Variants in FMN1 observed in about 807,000 individuals in gnomAD.
FMN1 encodes the protein formin 1, also known as formin-1.
Under a neutral mutation model 132.4 loss-of-function variants are expected in FMN1, and 110 were observed. The observed-to-expected ratio is 0.83, with a 90% CI of 0.71 to 0.97. The LOEUF (loss-of-function observed/expected upper bound fraction) is 0.97, where lower values mean the gene tolerates loss of function less well. Among genes scored for constraint, FMN1 ranks in the 50% least tolerant of loss-of-function variants. FMN1 has a pLI of 0.00. For missense variants in FMN1, 1,792 were observed against 1,705.3 expected, an observed-to-expected ratio of 1.05 and a Z score of -0.90; for synonymous variants, 722 against 651.7, an observed-to-expected ratio of 1.11 and a Z score of -1.64.
chr15:32,805,597 C>T (rs2057652442), intron 17 of FMN1, among the ~76,000 whole-genome samples: 1 of 152,060 alleles, frequency 6.6e-6, no homozygotes, highest in African/African-American at 2.4e-5. Flanking sequence ...TAATAGTGGC[C>T]AAATAATTTA....
intron 9 of FMN1, among the ~76,000 whole-genome samples, chr15:32,949,063 C>T (rs2061568433): frequency 6.8e-6 from 1 of 147,826 alleles, no homozygotes; most frequent in Non-Finnish European, 1.5e-5. Context: ...ATTTCAGCTA[C>T]ATCCTATGAG....
At chr15:32,874,487 T>C (rs1158268516) in intron 16 of FMN1, among the ~76,000 whole-genome samples, 1 of 152,198 alleles carries the variant, frequency 6.6e-6, no homozygotes, top group East Asian at 1.9e-4. Context: ...GTTGATTCTC[T>C]TCAGGATCAC....
At chr15:32,892,847 A>G (rs1185002830) in intron 15 of FMN1, among the ~76,000 whole-genome samples, 1 of 152,094 alleles carries the variant, frequency 6.6e-6, no homozygotes, top group Non-Finnish European at 1.5e-5. Flanking sequence ...TTTATGTATC[A>G]CCATTAATTT....
chr15:33,090,785 A>T (rs2038875884), intron 4 of FMN1, among the ~76,000 whole-genome samples: 1 of 152,146 alleles, frequency 6.6e-6, no homozygotes, highest in Non-Finnish European at 1.5e-5. Flanking sequence ...AACCTCAGGG[A>T]GAAGGCACTC....
intron 9 of FMN1, among the ~76,000 whole-genome samples, chr15:32,940,114 G>A (rs918623751): frequency 4.6e-5 from 7 of 152,064 alleles, no homozygotes; most frequent in African/African-American, 1.4e-4. Flanking sequence ...TACAAAAACT[G>A]AGAACTATAG....
At chr15:33,180,412 C>CT (rs1965656532) in intron 2 of FMN1, 150 bp from the exon 3 acceptor site, 1 of 152,152 alleles carries the variant, frequency 6.6e-6, no homozygotes, top group Admixed American at 6.5e-5. Context: ...CCTTTAAGGT[C>CT]TTCTGGAGTA....
intron 4 of FMN1, among the ~76,000 whole-genome samples, chr15:33,114,271 G>A (rs1375572753): frequency 1.3e-5 from 2 of 152,228 alleles, no homozygotes; most frequent in Admixed American, 1.3e-4. Context: ...GTCCAAGGAC[G>A]AGGAATGAAG....
intron 16 of FMN1, among the ~76,000 whole-genome samples, chr15:32,869,130 A>G (rs1253684437): frequency 6.6e-6 from 1 of 152,178 alleles, no homozygotes; most frequent in Non-Finnish European, 1.5e-5. Context: ...CATGATGAGA[A>G]CGCACGGGCC....
intron 7 of FMN1, among the ~76,000 whole-genome samples, chr15:33,001,652 A>G (rs1161620163): frequency 3.2e-5 from 4 of 125,018 alleles, no homozygotes; most frequent in South Asian, 5.9e-4. Flanking sequence ...GGTTGAGGAC[A>G]TATTTGGGAC....
intron 9 of FMN1, among the ~76,000 whole-genome samples, chr15:32,952,652 G>A (rs1596334302): frequency 2.6e-5 from 4 of 152,100 alleles, no homozygotes; most frequent in East Asian, 1.9e-4. Flanking sequence ...ATAATTAGGC[G>A]GCCATGAATT....
rs1595570571 is a variant in FMN1, at chr15:33,151,450, A to G, written c.1867+1598T>C. Reference sequence around the variant, plus strand: ...CAAAGGAACATGTGATCATCCATTCACCTTGTCACTCAGTGGGCTCACGGT... The same window carrying G: ...CAAAGGAACATGTGATCATCCATTCGCCTTGTCACTCAGTGGGCTCACGGT... On this transcript the variant is annotated intron_variant, in intron 4 of 20. Coordinates refer to ENST00000616417, the MANE Select transcript of FMN1 (RefSeq NM_001277313.2). The G allele has an allele frequency of 2.0e-6, 3 of 1,481,924 alleles. No homozygotes were observed. The Admixed American group carries it at 5.9e-5, about 29-fold the overall frequency. 91.8% of individuals were successfully genotyped at this position (1,481,924 alleles called of 1,614,324 possible).
chr15:32,798,931 A>T lies in FMN1; in HGVS notation c.4003T>A (p.Phe1335Ile). 6.2e-7 allele frequency: 1 copy of T among 1,613,638 alleles called. No homozygotes were observed. The highest frequency in any genetic ancestry group is 1.1e-5 in the South Asian group (1 of 90,932). The change falls in exon 19 of 21, where the codon TTT (phenylalanine) becomes ATT (isoleucine). Residue 1335 changes from phenylalanine (F) to isoleucine (I), a missense_variant. By Grantham distance (21) the Phe-to-Ile change is conservative. Transcript: ENST00000616417. ...QKSFETTVRY[F>I]GMKPKSGEKE... The stretch of plus-strand genomic sequence containing the variant: ...TCACCAGACTTTGGCTTCATCCCAA[A>T]ATATCGTACTGTTGTTTCAAAACTG...
intron 19 of FMN1, among the ~76,000 whole-genome samples, chr15:32,794,930 T>G (rs1270429805): frequency 6.6e-6 from 1 of 152,190 alleles, no homozygotes; most frequent in Non-Finnish European, 1.5e-5. Context: ...GCGTGGTGGC[T>G]CATGCCTGTA....
At chr15:32,978,714 T>C (rs577724347) in intron 7 of FMN1, among the ~76,000 whole-genome samples, 2 of 152,266 alleles carry the variant, frequency 1.3e-5, no homozygotes, top group South Asian at 2.1e-4. Context: ...TCCAATTAAT[T>C]AATCATTTTA....
rs147132198 is a variant in FMN1, at chr15:33,071,420, G to A, written c.2044-6346C>T. On this transcript the variant is annotated intron_variant, in intron 5 of 20. Transcript: ENST00000616417. The stretch of plus-strand genomic sequence containing the variant: ...TATGAAGCATGACTTCTATTAAGAA[G>A]ACTTCTTCATCCAATGTCATAAATG... 4.6e-5 allele frequency among the ~76,000 whole-genome samples: 7 copies of A among 152,262 alleles called. No homozygotes were observed. In the East Asian group the frequency reaches 1.4e-3, roughly 29 times the overall value.
At chr15:32,898,570 T>C (rs1242572959) in intron 15 of FMN1, among the ~76,000 whole-genome samples, 2 of 152,158 alleles carry the variant, frequency 1.3e-5, no homozygotes, top group Non-Finnish European at 2.9e-5. Flanking sequence ...AATCTGGCCA[T>C]AAAGCACTGA....
At chr15:33,026,017 A>G (rs191847868) in intron 6 of FMN1, among the ~76,000 whole-genome samples, 1 of 152,226 alleles carries the variant, frequency 6.6e-6, no homozygotes, top group African/African-American at 2.4e-5. Context: ...AATGTTTACA[A>G]TGATATGGCT....
At chr15:32,847,660 C>G (rs1423659414) in intron 17 of FMN1, among the ~76,000 whole-genome samples, 1 of 152,154 alleles carries the variant, frequency 6.6e-6, no homozygotes, top group Non-Finnish European at 1.5e-5. Flanking sequence ...CGAGACCATC[C>G]TGGCTAACGC....
chr15:32,940,440 A>G (rs1341921344), intron 9 of FMN1, among the ~76,000 whole-genome samples: 2 of 149,238 alleles, frequency 1.3e-5, no homozygotes, highest in East Asian at 3.9e-4. Context: ...TGTCTGTTCA[A>G]TGGAGTTCAA....
Sources: gnomAD v4.1 joint callset for allele counts (sites outside exome capture counted in the v4.1 genomes callset) on GRCh38, gnomAD v4.1.1 for gene constraint, MANE v1.5 for transcripts, NCBI Gene and HGNC (gene_info 2026-07-23, HGNC 2026-07-21) for gene names.